PIP5K1A: variants seen among roughly 807,000 people sequenced by gnomAD.
PIP5K1A encodes the protein phosphatidylinositol 4-phosphate 5-kinase type-1 alpha.
PIP5K1A carries 46 observed loss-of-function variants against 72.9 expected under a neutral mutation model. That is an observed-to-expected ratio of 0.63 (90% confidence interval 0.50 to 0.81). The LOEUF (loss-of-function observed/expected upper bound fraction) is 0.81, where lower values mean the gene tolerates loss of function less well. PIP5K1A is among the 30% of genes least tolerant of loss of function. The probability of loss-of-function intolerance (pLI) is 0.00; values close to 1 mark genes in which losing one functional copy is unlikely to be tolerated. For missense variants in PIP5K1A, 458 were observed against 706.1 expected (o/e 0.65, Z 3.98); for synonymous variants, 228 against 255.1 (o/e 0.89, Z 1.01).
intron 1 of PIP5K1A, among the ~76,000 whole-genome samples, chr1:151,199,463 A>T (rs1684897624): frequency 2.0e-5 from 3 of 152,068 alleles, no homozygotes; most frequent in Admixed American, 2.0e-4. Context: ...AAATACAAAA[A>T]TTATCCGGAC....
chr1:151,215,563 GACCTCAGGTGATCACGCCTCCCA>G (rs1427956457), intron 1 of PIP5K1A, among the ~76,000 whole-genome samples: 1 of 151,728 alleles, frequency 6.6e-6, no homozygotes, highest in Non-Finnish European at 1.5e-5. Context: ...GTGAACTCTT[GACCTCAGGTGATCACGCCTCCCA>G]AAGTGCTGGG....
chr1:151,205,647 A>G (rs587644270), intron 1 of PIP5K1A, among the ~76,000 whole-genome samples: 1 of 152,042 alleles, frequency 6.6e-6, no homozygotes, highest in East Asian at 2.0e-4. Context: ...AAAATACAAA[A>G]ATTAGTCAGA....
chr1:151,232,771 C>T, intron 7 of PIP5K1A, 68 bp downstream of exon 7: 1 of 1,407,354 alleles, frequency 7.1e-7, no homozygotes, highest in Non-Finnish European at 9.9e-7. Flanking sequence ...AGGCTGTCTT[C>T]AGCAGGGTAA....
chr1:151,206,469 A>G (rs587754699), intron 1 of PIP5K1A, among the ~76,000 whole-genome samples: 2 of 152,274 alleles, frequency 1.3e-5, no homozygotes, highest in South Asian at 4.1e-4. Context: ...GAGGTGAGCA[A>G]AGGAAGTTGG....
intron 1 of PIP5K1A, among the ~76,000 whole-genome samples, chr1:151,208,122 A>G (rs1465329453): frequency 1.9e-4 from 29 of 151,980 alleles, no homozygotes; most frequent in Admixed American, 1.8e-3. Flanking sequence ...GGCCTCCCAA[A>G]GTGCTGGGAT....
intron 8 of PIP5K1A, among the ~76,000 whole-genome samples, 156 bp downstream of exon 8, chr1:151,234,652 T>C (rs1690598948): frequency 6.6e-6 from 1 of 152,214 alleles, no homozygotes; most frequent in Admixed American, 6.5e-5. Context: ...GCCATTCCTT[T>C]ACATTTTTAC....
At chr1:151,239,892 C>A in intron 11 of PIP5K1A, 63 bp from the exon 12 acceptor site, 1 of 1,147,020 alleles carries the variant, frequency 8.7e-7, no homozygotes, top group Non-Finnish European at 1.3e-6. Flanking sequence ...GGGAAGATGG[C>A]CCTTGGACTA....
chr1:151,232,623 A>G lies in PIP5K1A; in HGVS notation c.559A>G (p.Ser187Gly), dbSNP rs587643022. 5.0e-6 allele frequency: 8 copies of G among 1,612,276 alleles called. No individual in the cohort carries two copies. In the African/African-American group the frequency reaches 1.1e-4, roughly 22 times the overall value. The stretch of plus-strand genomic sequence containing the variant: ...TAGTGGTTCCCTATTCTATGTGTCC[A>G]GCGACGATGAGTTCATTATTAAGAC... ...GASGSLFYVSSDDEFIIKTVQ... is the reference protein window; with the variant it reads ...GASGSLFYVSGDDEFIIKTVQ... The change falls in exon 7 of 16, where the codon AGC (serine) becomes GGC (glycine). Residue 187 changes from serine to glycine, a missense_variant. Ser to Gly is a moderately conservative substitution (Grantham distance 56). Coordinates refer to ENST00000368888, the MANE Select transcript of PIP5K1A (RefSeq NM_001135638.2).
chr1:151,199,145 C>T lies in PIP5K1A; in HGVS notation c.85+64C>T, dbSNP rs777089679. ...ATATGCGATGGGAGGAAGAGCGAGA[C>T]CTAAGAGGGTACCTGTAGCTGGGAA... On this transcript the variant is annotated intron_variant, in intron 1 of 15. Coordinates refer to ENST00000368888, the MANE Select transcript of PIP5K1A (RefSeq NM_001135638.2). 3.5e-5 allele frequency: 57 copies of T among 1,610,724 alleles called. 1 individual carries two copies. Among genetic ancestry groups the T allele is most frequent in the Middle Eastern group, 3.3e-4 (2 of 6,080 alleles).
At position 151,236,608 on chromosome 1, in the gene PIP5K1A, T is replaced by C; in HGVS notation, c.990T>C (p.His330=). The change falls in exon 9 of 16, where the codon CAT becomes CAC. Residue 330 remains histidine, a synonymous_variant. Transcript: ENST00000368888. ...ATTACAGCCTCTTGATGTCAATCCA[T>C]AATATAGATCATGCACAACGAGAGC... ...IMDYSLLMSI[H]NIDHAQREPL... The C allele has an allele frequency of 6.2e-7, 1 of 1,612,906 alleles. No individual in the cohort carries two copies. Among genetic ancestry groups the C allele is most frequent in the African/African-American group, 1.3e-5 (1 of 74,950 alleles).
intron 14 of PIP5K1A, among the ~76,000 whole-genome samples, chr1:151,243,267 A>G (rs770256157): frequency 9.2e-5 from 14 of 152,148 alleles, no homozygotes; most frequent in African/African-American, 3.4e-4. Context: ...ATCCCATTGT[A>G]GCGTTAGCTC....
chr1:151,224,167 ACT>A, intron 1 of PIP5K1A, 76 bp from the exon 2 acceptor site: 1 of 1,316,448 alleles, frequency 7.6e-7, no homozygotes, highest in South Asian at 1.2e-5. Flanking sequence ...TTTGACTCAA[ACT>A]CTGATGGTTT....
At chr1:151,218,025 C>T (rs973002759) in intron 1 of PIP5K1A, among the ~76,000 whole-genome samples, 4 of 152,150 alleles carry the variant, frequency 2.6e-5, no homozygotes, top group Admixed American at 6.6e-5. Flanking sequence ...ATCCACTGCC[C>T]ACCTTGGCCT....
chr1:151,240,295 AAAAT>A (rs982142036), intron 12 of PIP5K1A: 66 of 442,812 alleles, frequency 1.5e-4, no homozygotes, highest in East Asian at 1.9e-4. Context: ...GATTTGCAAA[AAAAT>A]AAATAAATAA....
intron 1 of PIP5K1A, among the ~76,000 whole-genome samples, chr1:151,208,819 G>A (rs1217215108): frequency 4.0e-5 from 5 of 126,300 alleles, no homozygotes; most frequent in Non-Finnish European, 7.9e-5. Context: ...TGCAAGCTCC[G>A]CCTCCTGGGT....
At chr1:151,216,775 C>T (rs587708980) in intron 1 of PIP5K1A, among the ~76,000 whole-genome samples, 1 of 152,202 alleles carries the variant, frequency 6.6e-6, no homozygotes, top group Non-Finnish European at 1.5e-5. Flanking sequence ...CTATACGTAA[C>T]TTGTTGAATT....
At chr1:151,203,899 C>G (rs36035148) in intron 1 of PIP5K1A, among the ~76,000 whole-genome samples, 24,760 of 151,892 alleles carry the variant, frequency 0.16, 2,159 homozygotes, top group Admixed American at 0.2. Context: ...TTGCTTCAGA[C>G]TAGAACATTT....
chr1:151,231,786 G>C lies in PIP5K1A; in HGVS notation c.353G>C (p.Ser118Thr), dbSNP rs758707233. Reference protein sequence around the residue: ...VLMQDFYVVESIFFPSEGSNL... With the variant: ...VLMQDFYVVETIFFPSEGSNL... ...ATGCAAGATTTCTACGTGGTTGAGA[G>C]TATCTTCTTTCCCAGGTACAGAGTT... The change falls in exon 5 of 16, where the codon AGT (serine) becomes ACT (threonine). Residue 118 changes from serine to threonine, a missense_variant. Coordinates refer to ENST00000368888, the MANE Select transcript of PIP5K1A (RefSeq NM_001135638.2). The C allele has an allele frequency of 3.1e-6, 5 of 1,613,996 alleles. No individual in the cohort carries two copies. The South Asian group carries it at 4.4e-5, about 14-fold the overall frequency.
rs1692824927 is a variant in PIP5K1A, at chr1:151,248,746, A to G, written c.*881A>G. On this transcript the variant is annotated 3_prime_UTR_variant, in exon 16 of 16. Coordinates refer to ENST00000368888, the MANE Select transcript of PIP5K1A (RefSeq NM_001135638.2). ...AATTATTACTATTTTGCAATTTGAA[A>G]TATATTCTGGTTGTTTTTCTAAATG... The G allele has an allele frequency of 6.6e-6, 1 of 152,614 alleles. No individual in the cohort carries two copies. The highest frequency in any genetic ancestry group is 1.5e-5 in the Non-Finnish European group (1 of 68,046). 9.5% of individuals were successfully genotyped at this position (152,614 alleles called of 1,614,324 possible).
Sources: gnomAD v4.1 joint callset for allele counts (sites outside exome capture counted in the v4.1 genomes callset) on GRCh38, gnomAD v4.1.1 for gene constraint, MANE v1.5 for transcripts, NCBI Gene and HGNC (gene_info 2026-07-23, HGNC 2026-07-21) for gene names.